MYC: variants seen among roughly 807,000 people sequenced by gnomAD.
MYC encodes myc proto-oncogene protein.
A neutral mutation model predicts 30.5 loss-of-function variants in MYC; 1 was observed. The ratio of observed to expected loss-of-function variants is 0.03; its 90% CI spans 0.01 to 0.16. The LOEUF (loss-of-function observed/expected upper bound fraction) is 0.16, where lower values mean the gene tolerates loss of function less well. Ranked by LOEUF, MYC falls within the 10% of genes least tolerant of loss-of-function variation. The pLI, the probability that MYC is intolerant of heterozygous loss-of-function variation, is 1.00. For missense variants in MYC, 508 were observed against 589.0 expected, an observed-to-expected ratio of 0.86 and a Z score of 1.42; for synonymous variants, 267 against 250.7, an observed-to-expected ratio of 1.07 and a Z score of -0.62.
chr8:127,739,254 T>C (rs1314132438), intron 2 of MYC, among the ~76,000 whole-genome samples: 1 of 151,946 alleles, frequency 6.6e-6, no homozygotes, highest in Admixed American at 6.6e-5. Flanking sequence ...CCCTCAGGAA[T>C]TTCATTTAGG....
At chr8:127,735,723 G>A, upstream of MYC, 1 of 399,100 alleles carries the variant, frequency 2.5e-6, no homozygotes, top group Non-Finnish European at 4.4e-6. Flanking sequence ...GAGGGCAGCT[G>A]TTCCGCCTGC....
chr8:127,738,393 C>A lies in MYC; in HGVS notation c.176C>A (p.Ala59Glu), dbSNP rs775522201. 6.2e-7 allele frequency: 1 copy of A among 1,614,040 alleles called. No homozygotes were observed. The highest frequency in any genetic ancestry group is 8.5e-7 in the Non-Finnish European group (1 of 1,179,968). The change falls in exon 2 of 3, where the codon GCG becomes GAG. Residue 59 changes from alanine (A) to glutamate (E), a missense_variant. Physicochemically the swap from Ala to Glu is moderately radical, Grantham distance 107 (BLOSUM62 -1). Coordinates refer to ENST00000621592, the MANE Select transcript of MYC (RefSeq NM_002467.6). The surrounding 1 kb of genome is among the most constrained non-coding windows in gnomAD (Gnocchi z 7.6). ...CAGCAGAGCGAGCTGCAGCCCCCGG[C>A]GCCCAGCGAGGATATCTGGAAGAAA...
At position 127,742,022 on chromosome 8, in the gene MYC, AAGC is replaced by A. The variant is rs1222000513; in HGVS notation, c.*1069_*1071del. Among the ~76,000 whole-genome samples the A allele has an allele frequency of 1.3e-5, 2 of 152,242 alleles. No homozygotes were observed. Among genetic ancestry groups the A allele is most frequent in the Non-Finnish European group, 2.9e-5 (2 of 68,040 alleles). On this transcript the variant is annotated 3_prime_UTR_variant, in exon 3 of 3. Coordinates refer to ENST00000621592, the MANE Select transcript of MYC (RefSeq NM_002467.6). ...TATCTGTAGCCACGCAGATAATACAAAGCAGCAATCTGGACCCATTCTGTTCAA... is the reference window on the plus strand; with the variant it reads ...TATCTGTAGCCACGCAGATAATACAAAGCAATCTGGACCCATTCTGTTCAA...
chr8:127,740,916 G>A lies in MYC; in HGVS notation c.1323G>A (p.Gln441=), dbSNP rs1813700517. The change falls in exon 3 of 3, where the codon CAG becomes CAA. Residue 441 remains glutamine (Q), a synonymous_variant. Transcript: ENST00000621592. ...ACTTGTTGCGGAAACGACGAGAACA[G>A]TTGAAACACAAACTTGAACAGCTAC... is the stretch of plus-strand genomic sequence containing the variant. 5.0e-6 allele frequency: 8 copies of A among 1,594,326 alleles called. No individual in the cohort carries two copies. Among genetic ancestry groups the A allele is most frequent in the South Asian group, 1.1e-5 (1 of 88,534 alleles).
Position 127,741,014 on chromosome 8 carries a change from G to T in MYC, c.*56G>T, listed in dbSNP as rs1190366265. 8.9e-6 allele frequency: 13 copies of T among 1,461,328 alleles called. No individual in the cohort carries two copies. The highest frequency in any genetic ancestry group is 1.1e-5 in the Non-Finnish European group (12 of 1,100,620). 90.5% of individuals were successfully genotyped at this position (1,461,328 alleles called of 1,614,324 possible). A position where few individuals can be genotyped will look rare whatever the true frequency, so the allele number is the denominator to read the frequency against. ...AGAAATGTCCTGAGCAATCACCTAT[G>T]AACTTGTTTCAAATGCATGATCAAA... On this transcript the variant is annotated 3_prime_UTR_variant, in exon 3 of 3. Coordinates refer to ENST00000621592, the MANE Select transcript of MYC (RefSeq NM_002467.6).
In MYC at chr8:127,738,796, G is replaced by T; in HGVS notation, c.579G>T (p.Leu193=). The T allele has an allele frequency of 1.2e-6, 2 of 1,609,418 alleles. No individual in the cohort carries two copies. The highest frequency in any genetic ancestry group is 1.7e-6 in the Non-Finnish European group (2 of 1,177,520). The change falls in exon 2 of 3, where the codon CTG becomes CTT. Residue 193 remains leucine (L), a synonymous_variant. Coordinates refer to ENST00000621592, the MANE Select transcript of MYC (RefSeq NM_002467.6). This position sits in a 1 kb window ranked among gnomAD's most constrained non-coding sequence, Gnocchi z 7.6. Reference sequence around the variant, plus strand: ...TCTGCTCCACCTCCAGCTTGTACCTGCAGGATCTGAGCGCCGCCGCCTCAG... The same window carrying T: ...TCTGCTCCACCTCCAGCTTGTACCTTCAGGATCTGAGCGCCGCCGCCTCAG...
At position 127,738,703 on chromosome 8, in the gene MYC, G is replaced by C. The variant is rs758986453; in HGVS notation, c.486G>C (p.Glu162Asp). Residue 162 changes from glutamate to aspartate, a missense_variant, in exon 2 of 3, where the codon GAG (glutamate) becomes GAC (aspartate). Glu to Asp is a conservative substitution (Grantham distance 45). Transcript: ENST00000621592. The surrounding 1 kb of genome is among the most constrained non-coding windows in gnomAD (Gnocchi z 7.6). Reference sequence around the variant, plus strand: ...CGGCCGCCGCCAAGCTCGTCTCAGAGAAGCTGGCCTCCTACCAGGCTGCGC... The same window carrying C: ...CGGCCGCCGCCAAGCTCGTCTCAGACAAGCTGGCCTCCTACCAGGCTGCGC... 1 of 1,614,116 alleles carries C rather than the reference G, an allele frequency of 6.2e-7. No individual in the cohort carries two copies. Among genetic ancestry groups the C allele is most frequent in the South Asian group, 1.1e-5 (1 of 91,072 alleles).
At chr8:127,737,705 G>A (rs1418639142) in intron 1 of MYC, among the ~76,000 whole-genome samples, 1 of 151,964 alleles carries the variant, frequency 6.6e-6, no homozygotes, top group Non-Finnish European at 1.5e-5. Flanking sequence ...GGGGGCGGTG[G>A]AGAGGGAAGG....
At chr8:127,739,789 A>G (rs1813676874) in intron 2 of MYC, among the ~76,000 whole-genome samples, 1 of 152,004 alleles carries the variant, frequency 6.6e-6, no homozygotes. Context: ...GTGCTTGGGA[A>G]TGTGCTTTGC....
At position 127,741,004 on chromosome 8, in the gene MYC, A is replaced by C. The variant is rs200570465; in HGVS notation, c.*46A>C. ...TCCTTCTAACAGAAATGTCCTGAGC[A>C]ATCACCTATGAACTTGTTTCAAATG... On this transcript the variant is annotated 3_prime_UTR_variant, in exon 3 of 3. Transcript: ENST00000621592. 1.4e-4 allele frequency: 212 copies of C among 1,495,886 alleles called. No individual in the cohort carries two copies. The highest frequency in any genetic ancestry group is 1.8e-4 in the Middle Eastern group (1 of 5,578). 92.7% of individuals were successfully genotyped at this position (1,495,886 alleles called of 1,614,324 possible).
intron 2 of MYC, among the ~76,000 whole-genome samples, chr8:127,739,748 T>A (rs1813676389): frequency 6.6e-6 from 1 of 151,972 alleles, no homozygotes; most frequent in Non-Finnish European, 1.5e-5. Context: ...ACACCTGAAG[T>A]GTTCTTGGTA....
rs188398428 is a variant in MYC, at chr8:127,742,759, G to A, written c.*1801G>A. 6.6e-6 allele frequency among the ~76,000 whole-genome samples: 1 copy of A among 152,284 alleles called. No individual in the cohort carries two copies. The highest frequency in any genetic ancestry group is 1.9e-4 in the East Asian group (1 of 5,184). ...TCCTTGAAAAGGTATTTTTGAACATGTGTATTAATTATAAGCCTCTGAAAA... is the reference window on the plus strand; with the variant it reads ...TCCTTGAAAAGGTATTTTTGAACATATGTATTAATTATAAGCCTCTGAAAA... On this transcript the variant is annotated 3_prime_UTR_variant, in exon 3 of 3. Transcript: ENST00000621592.
rs1402962371 is a variant in MYC, at chr8:127,736,629, C to A, written c.30+6C>A. On this transcript the variant is annotated splice_donor_region_variant and intron_variant, in intron 1 of 2. Transcript: ENST00000621592. Reference sequence around the variant, plus strand: ...TTCGGGTAGTGGAAAACCAGGTAAGCACCGAAGTCCACTTGCCTTTTAATT... The same window carrying A: ...TTCGGGTAGTGGAAAACCAGGTAAGAACCGAAGTCCACTTGCCTTTTAATT... 1.2e-6 allele frequency: 2 copies of A among 1,613,958 alleles called. No individual in the cohort carries two copies. The highest frequency in any genetic ancestry group is 1.1e-5 in the South Asian group (1 of 91,082).
chr8:127,736,681 A>C (rs1813597069), intron 1 of MYC, 58 bp downstream of exon 1: 1 of 1,556,620 alleles, frequency 6.4e-7, no homozygotes, highest in Non-Finnish European at 8.8e-7. Flanking sequence ...TAATGCTGAG[A>C]TGAGTCGAAT....
Position 127,736,286 on chromosome 8 carries a change from G to C in MYC, c.-308G>C, listed in dbSNP as rs1254681892. Reference sequence around the variant, plus strand: ...GAGGGAGCGAGCGGGCGGCCGGCTAGGGTGGAAGAGCCGGGCGAGCAGAGC... The same window carrying C: ...GAGGGAGCGAGCGGGCGGCCGGCTACGGTGGAAGAGCCGGGCGAGCAGAGC... On this transcript the variant is annotated 5_prime_UTR_variant, in exon 1 of 3. Coordinates refer to ENST00000621592, the MANE Select transcript of MYC (RefSeq NM_002467.6). 1.8e-6 allele frequency: 1 copy of C among 554,520 alleles called. No homozygotes were observed. The highest frequency in any genetic ancestry group is 3.2e-6 in the Non-Finnish European group (1 of 315,548). The allele number at this position is 554,520 out of a possible 1,614,324, so 34.3% of individuals were successfully genotyped here.
intron 1 of MYC, 32 bp downstream of exon 1, chr8:127,736,655 TA>T (rs747682614): frequency 4.3e-6 from 7 of 1,610,242 alleles, no homozygotes; most frequent in East Asian, 4.5e-5. Context: ...CCTTTTAATT[TA>T]TTTTTTTATC....
chr8:127,740,817 A>G lies in MYC; in HGVS notation c.1224A>G (p.Val408=), dbSNP rs1813698487. 1 of 1,614,128 alleles carries G rather than the reference A, an allele frequency of 6.2e-7. No individual in the cohort carries two copies. Residue 408 remains valine (V), a synonymous_variant, in exon 3 of 3, where the codon GTA becomes GTG. Transcript: ENST00000621592. The stretch of plus-strand genomic sequence containing the variant: ...AAAACAATGAAAAGGCCCCCAAGGT[A>G]GTTATCCTTAAAAAAGCCACAGCAT...
In MYC at chr8:127,741,086, C is replaced by A; in HGVS notation, c.*128C>A. On this transcript the variant is annotated 3_prime_UTR_variant, in exon 3 of 3. Transcript: ENST00000621592. ...GAGTCTTGAGACTGAAAGATTTAGC[C>A]ATAATGTAAACTGCCTCAAATTGGA... The A allele has an allele frequency of 1.1e-6, 1 of 872,658 alleles. No individual in the cohort carries two copies. Among genetic ancestry groups the A allele is most frequent in the Non-Finnish European group, 1.6e-6 (1 of 631,210 alleles). The allele number at this position is 872,658 out of a possible 1,614,324, so 54.1% of individuals were successfully genotyped here. A position where few individuals can be genotyped will look rare whatever the true frequency, so the allele number is the denominator to read the frequency against.
In MYC at chr8:127,736,283, C is replaced by T. The variant is rs1586587714; in HGVS notation, c.-311C>T. 1 of 546,566 alleles carries T rather than the reference C, an allele frequency of 1.8e-6. No individual in the cohort carries two copies. The highest frequency in any genetic ancestry group is 3.2e-6 in the Non-Finnish European group (1 of 311,164). 33.9% of individuals were successfully genotyped at this position (546,566 alleles called of 1,614,324 possible). ...GCAGAGGGAGCGAGCGGGCGGCCGG[C>T]TAGGGTGGAAGAGCCGGGCGAGCAG... On this transcript the variant is annotated 5_prime_UTR_variant, in exon 1 of 3. Coordinates refer to ENST00000621592, the MANE Select transcript of MYC (RefSeq NM_002467.6).
Sources: allele counts gnomAD v4.1 joint callset (sites outside exome capture counted in the v4.1 genomes callset), GRCh38; gene constraint gnomAD v4.1.1; non-coding constraint Gnocchi (gnomAD v3.1); transcripts MANE v1.5; gene names NCBI Gene and HGNC (gene_info 2026-07-23, HGNC 2026-07-21).